Variants in EPB41L3 observed in about 807,000 individuals in gnomAD.
EPB41L3 encodes band 4.1-like protein 3.
EPB41L3 carries 57 observed loss-of-function variants against 127.1 expected under a neutral mutation model. That is an observed-to-expected ratio of 0.45 (90% CI 0.36 to 0.56). The LOEUF (loss-of-function observed/expected upper bound fraction) is 0.56, where lower values mean the gene tolerates loss of function less well. EPB41L3 is among the 20% of genes least tolerant of loss of function. The pLI is 0.00. For missense variants in EPB41L3, 1,273 were observed against 1,372.2 expected (o/e 0.93, Z 1.14); for synonymous variants, 572 against 549.5 (o/e 1.04, Z -0.57).
intron 2 of EPB41L3, among the ~76,000 whole-genome samples, chr18:5,487,055 G>A (rs2089868362): frequency 1.3e-5 from 2 of 152,166 alleles, no homozygotes; most frequent in African/African-American, 4.8e-5. Flanking sequence ...ATTCATAGCA[G>A]CCAAAATATG....
At chr18:5,500,253 A>G (rs181135546) in intron 1 of EPB41L3, among the ~76,000 whole-genome samples, 1 of 152,220 alleles carries the variant, frequency 6.6e-6, no homozygotes, top group South Asian at 2.1e-4. Flanking sequence ...TTCTTCGCCA[A>G]TTCTATTCAG....
At chr18:5,398,504 G>GA in intron 16 of EPB41L3, 1 of 401,796 alleles carries the variant, frequency 2.5e-6, no homozygotes, top group Non-Finnish European at 4.4e-6. Flanking sequence ...ATTTAACCAT[G>GA]AAAAAAAATT....
At chr18:5,431,014 T>C (rs2145682148) in intron 8 of EPB41L3, among the ~76,000 whole-genome samples, 2 of 152,328 alleles carry the variant, frequency 1.3e-5, no homozygotes, top group South Asian at 4.1e-4. Flanking sequence ...TACGATTTCT[T>C]TAATTCAACA....
chr18:5,520,092 G>A (rs886109731), intron 1 of EPB41L3, among the ~76,000 whole-genome samples: 3 of 152,106 alleles, frequency 2.0e-5, no homozygotes, highest in South Asian at 2.1e-4. Context: ...CAACAATTTC[G>A]AGTTTCAAAG....
At chr18:5,435,343 C>G (rs1401263527) in intron 6 of EPB41L3, among the ~76,000 whole-genome samples, 1 of 152,334 alleles carries the variant, frequency 6.6e-6, no homozygotes, top group Non-Finnish European at 1.5e-5. Context: ...TCACTCTTCA[C>G]TCACTCACTG....
intron 1 of EPB41L3, among the ~76,000 whole-genome samples, chr18:5,536,699 C>G (rs886489221): frequency 6.6e-6 from 1 of 151,632 alleles, no homozygotes; most frequent in East Asian, 1.9e-4. Context: ...ATAATCCCAG[C>G]TACTTGGGAG....
At chr18:5,436,989 G>C (rs1568171033) in intron 6 of EPB41L3, among the ~76,000 whole-genome samples, 1 of 152,150 alleles carries the variant, frequency 6.6e-6, no homozygotes, top group Non-Finnish European at 1.5e-5. Flanking sequence ...AGCTTACACA[G>C]AAAATTCTGC....
intron 8 of EPB41L3, among the ~76,000 whole-genome samples, chr18:5,428,956 A>G (rs991011169): frequency 6.6e-6 from 1 of 152,242 alleles, no homozygotes; most frequent in Admixed American, 6.5e-5. Flanking sequence ...TATGCTAACA[A>G]GATGGACCCT....
intron 3 of EPB41L3, among the ~76,000 whole-genome samples, chr18:5,561,000 T>G (rs12604219): frequency 7.6e-6 from 1 of 131,528 alleles, no homozygotes; most frequent in Non-Finnish European, 1.7e-5. Flanking sequence ...TATTTTGAGA[T>G]GGAGTCTCGC....
chr18:5,541,228 G>A (rs1032539917), intron 1 of EPB41L3, among the ~76,000 whole-genome samples: 2 of 138,108 alleles, frequency 1.4e-5, no homozygotes, highest in Non-Finnish European at 3.0e-5. Flanking sequence ...ACTCCAGCCT[G>A]GGTGACACAG....
At position 5,508,373 on chromosome 18, in the gene EPB41L3, A is replaced by G. The variant is rs550888168; in HGVS notation, c.-11-19179T>C. ...AAGAAGACATATTTTCCACTGAACT[A>G]TCTCTGTCTAATGCCAAAACTTTTG... On this transcript the variant is annotated intron_variant, in intron 1 of 22. Coordinates refer to ENST00000341928, the MANE Select transcript of EPB41L3 (RefSeq NM_012307.5). 32 of 152,326 alleles carry G rather than the reference A, an allele frequency of 2.1e-4. 1 individual carries two copies. The highest frequency in any genetic ancestry group is 7.7e-4 in the African/African-American group (32 of 41,566). 9.4% of individuals were successfully genotyped at this position (152,326 alleles called of 1,614,324 possible).
At chr18:5,428,574 T>C in intron 8 of EPB41L3, 109 bp from the exon 9 acceptor site, 2 of 1,291,430 alleles carry the variant, frequency 1.5e-6, no homozygotes, top group Non-Finnish European at 1.1e-6. Context: ...GCTGGTTTAC[T>C]TATGCAAAAT....
intron 3 of EPB41L3, among the ~76,000 whole-genome samples, chr18:5,608,464 T>C (rs958329994): frequency 1.3e-5 from 2 of 151,030 alleles, no homozygotes; most frequent in African/African-American, 4.9e-5. Context: ...TGCAACAGAG[T>C]TGGGGAGGAG....
intron 3 of EPB41L3, chr18:5,567,270 C>T (rs1308974267): frequency 6.6e-6 from 1 of 152,202 alleles, no homozygotes; most frequent in Non-Finnish European, 1.5e-5. Context: ...TGTCCCAGGA[C>T]ACAACACCTC....
At chr18:5,584,672 A>G (rs2094426967) in intron 3 of EPB41L3, among the ~76,000 whole-genome samples, 1 of 152,256 alleles carries the variant, frequency 6.6e-6, no homozygotes, top group South Asian at 2.1e-4. Flanking sequence ...TAGATGTTCA[A>G]TAAATGTTAG....
At chr18:5,478,892 G>C (rs1027037741) in intron 2 of EPB41L3, among the ~76,000 whole-genome samples, 2 of 152,128 alleles carry the variant, frequency 1.3e-5, no homozygotes, top group African/African-American at 4.8e-5. Context: ...TAAACTCTAA[G>C]ACCTGGAGAG....
chr18:5,418,252 T>C (rs1424989538), intron 12 of EPB41L3, among the ~76,000 whole-genome samples: 2 of 152,214 alleles, frequency 1.3e-5, no homozygotes, highest in African/African-American at 4.8e-5. Flanking sequence ...GTGTCCTTTG[T>C]CTTTTCCCAC....
intron 1 of EPB41L3, among the ~76,000 whole-genome samples, chr18:5,495,460 C>T (rs566482543): frequency 1.3e-5 from 2 of 151,224 alleles, no homozygotes; most frequent in Non-Finnish European, 2.9e-5. Flanking sequence ...TCCCCTGCTT[C>T]AAGGAATGCA....
At chr18:5,463,224 G>C (rs975146436) in intron 3 of EPB41L3, among the ~76,000 whole-genome samples, 12 of 152,084 alleles carry the variant, frequency 7.9e-5, no homozygotes, top group African/African-American at 2.7e-4. Context: ...TTGCTATTTA[G>C]CCAACAGAAG....
Sources: gnomAD v4.1 joint callset for allele counts (sites outside exome capture counted in the v4.1 genomes callset) on GRCh38, gnomAD v4.1.1 for gene constraint, MANE v1.5 for transcripts, NCBI Gene and HGNC (gene_info 2026-07-23, HGNC 2026-07-21) for gene names.